Variants in FAM13A observed in about 807,000 individuals in gnomAD.
The protein encoded by FAM13A is family with sequence similarity 13 member A, also known as protein FAM13A.
In FAM13A, 76 loss-of-function variants were observed where a neutral mutation model predicts 129.6. The ratio of observed to expected loss-of-function variants is 0.59; its 90% CI spans 0.49 to 0.71. The LOEUF (loss-of-function observed/expected upper bound fraction) is 0.71, where lower values mean the gene tolerates loss of function less well. FAM13A is among the 30% of genes least tolerant of loss of function. The pLI, the probability that FAM13A is intolerant of heterozygous loss-of-function variation, is 0.00. For synonymous variants in FAM13A, 443 were observed against 449.9 expected, an observed-to-expected ratio of 0.98 and a Z score of 0.20; for missense variants, 1,108 against 1,249.3, an observed-to-expected ratio of 0.89 and a Z score of 1.70.
intron 21 of FAM13A, among the ~76,000 whole-genome samples, chr4:88,734,546 A>T (rs537471506): frequency 2.7e-4 from 41 of 152,258 alleles, no homozygotes; most frequent in Non-Finnish European, 4.6e-4. Context: ...CATCAGTGGC[A>T]ATGCACAAGT....
In FAM13A at chr4:89,048,081, T is replaced by C. The variant is rs560820409; in HGVS notation, c.27+8857A>G. On this transcript the variant is annotated intron_variant, in intron 1 of 23. Coordinates refer to ENST00000264344, the MANE Select transcript of FAM13A (RefSeq NM_014883.4). ...CACTTTGGAAAAAGTTGGCAGTTTC[T>C]TAAAATGTTAAATGCAAAATTACCA... Among the ~76,000 whole-genome samples, 7 of 152,276 alleles carry C rather than the reference T, an allele frequency of 4.6e-5. No individual in the cohort carries two copies. In the East Asian group the frequency reaches 1.4e-3, roughly 29 times the overall value.
At chr4:88,797,069 A>G (rs1354435455) in intron 8 of FAM13A, among the ~76,000 whole-genome samples, 1 of 152,032 alleles carries the variant, frequency 6.6e-6, no homozygotes, top group Non-Finnish European at 1.5e-5. Flanking sequence ...TTATAGTTTC[A>G]TTACTTTCTT....
intron 1 of FAM13A, among the ~76,000 whole-genome samples, chr4:89,042,991 T>C (rs1481432749): frequency 6.6e-6 from 1 of 152,168 alleles, no homozygotes; most frequent in Non-Finnish European, 1.5e-5. Context: ...ATGAAGACGA[T>C]GAAGTAACAG....
intron 4 of FAM13A, among the ~76,000 whole-genome samples, chr4:88,954,814 A>C (rs1757491065): frequency 6.6e-6 from 1 of 151,322 alleles, no homozygotes; most frequent in Admixed American, 6.6e-5. Flanking sequence ...TGAACCCAGG[A>C]GGCAGAGGTT....
chr4:88,744,986 T>C (rs1282526958), intron 19 of FAM13A, among the ~76,000 whole-genome samples: 1 of 152,190 alleles, frequency 6.6e-6, no homozygotes, highest in Admixed American at 6.5e-5. Context: ...ATAAGAGAGC[T>C]ATGAAATGCA....
intron 4 of FAM13A, among the ~76,000 whole-genome samples, chr4:88,953,932 G>T (rs977628372): frequency 7.2e-5 from 11 of 152,052 alleles, no homozygotes; most frequent in Non-Finnish European, 1.6e-4. Flanking sequence ...AAGCAATCAG[G>T]TGCTTAAATA....
chr4:88,823,110 G>T, intron 7 of FAM13A: 5 of 1,576,258 alleles, frequency 3.2e-6, no homozygotes, highest in East Asian at 2.3e-5. Flanking sequence ...TGGGTTGGGG[G>T]CATGAGGCTG....
chr4:89,011,724 CACTT>C (rs1231117649), intron 3 of FAM13A, among the ~76,000 whole-genome samples: 2 of 152,178 alleles, frequency 1.3e-5, no homozygotes, highest in East Asian at 3.8e-4. Context: ...GTCCTTAACT[CACTT>C]AAAAGATTTT....
intron 13 of FAM13A, among the ~76,000 whole-genome samples, chr4:88,759,827 A>AG (rs1744436677): frequency 6.6e-6 from 1 of 152,222 alleles, no homozygotes; most frequent in Non-Finnish European, 1.5e-5. Flanking sequence ...TAATAATTTT[A>AG]TGTTTAAACA....
At chr4:88,894,546 CAG>C (rs1745958710) in intron 6 of FAM13A, among the ~76,000 whole-genome samples, 1 of 152,136 alleles carries the variant, frequency 6.6e-6, no homozygotes, top group African/African-American at 2.4e-5. Context: ...TTTTTTGATA[CAG>C]AGTCTCACTC....
chr4:88,903,038 G>A (rs541078898), intron 6 of FAM13A, among the ~76,000 whole-genome samples: 20 of 152,100 alleles, frequency 1.3e-4, no homozygotes, highest in Admixed American at 9.8e-4. Flanking sequence ...TAGAAATACA[G>A]CTAACAAGGG....
chr4:88,892,426 G>A (rs1214891550), intron 6 of FAM13A, among the ~76,000 whole-genome samples: 3 of 151,960 alleles, frequency 2.0e-5, no homozygotes, highest in African/African-American at 4.8e-5. Context: ...TGACCTGCCC[G>A]CCTCGGCCTC....
chr4:89,020,806 T>C, intron 2 of FAM13A, 137 bp from the exon 3 acceptor site: 1 of 648,676 alleles, frequency 1.5e-6, no homozygotes, highest in Non-Finnish European at 2.7e-6. Flanking sequence ...TGTGTAATTT[T>C]CACATTTTGT....
intron 11 of FAM13A, among the ~76,000 whole-genome samples, chr4:88,769,932 G>T (rs1306236014): frequency 2.6e-5 from 4 of 151,974 alleles, no homozygotes; most frequent in Non-Finnish European, 5.9e-5. Flanking sequence ...TGTTTCTGAA[G>T]CTATAATATC....
At chr4:88,993,375 CTG>C (rs1468708905) in intron 3 of FAM13A, among the ~76,000 whole-genome samples, 1 of 152,144 alleles carries the variant, frequency 6.6e-6, no homozygotes, top group Non-Finnish European at 1.5e-5. Flanking sequence ...TGTTTGCTCT[CTG>C]TTTAAAATTG....
chr4:88,896,326 C>T (rs1302266199), intron 6 of FAM13A, among the ~76,000 whole-genome samples: 12 of 151,468 alleles, frequency 7.9e-5, no homozygotes, highest in African/African-American at 2.4e-4. Context: ...TGCTAGATGA[C>T]GAGTTAGTGG....
intron 4 of FAM13A, among the ~76,000 whole-genome samples, chr4:88,977,630 T>C (rs990248994): frequency 1.3e-5 from 2 of 152,222 alleles, no homozygotes; most frequent in Admixed American, 1.3e-4. Context: ...AATCCACATA[T>C]ATTACAATCA....
Position 88,728,115 on chromosome 4 carries a change from G to A in FAM13A, c.*418C>T. The A allele has an allele frequency of 5.9e-6, 1 of 170,518 alleles. No individual in the cohort carries two copies. The highest frequency in any genetic ancestry group is 1.6e-4 in the South Asian group (1 of 6,272). 10.6% of individuals were successfully genotyped at this position (170,518 alleles called of 1,614,324 possible). On this transcript the variant is annotated 3_prime_UTR_variant, in exon 24 of 24. Transcript: ENST00000264344. ...CAGCAAGTTTGCTCTATAGAATAAA[G>A]TCCTGAGCTTGTTTTTATCACAGTT...
chr4:88,864,601 G>A (rs1740068242), intron 6 of FAM13A, among the ~76,000 whole-genome samples: 1 of 152,078 alleles, frequency 6.6e-6, no homozygotes, highest in African/African-American at 2.4e-5. Flanking sequence ...TAGAGACGGG[G>A]TTTCACCATG....
Sources: gnomAD v4.1 joint callset for allele counts (sites outside exome capture counted in the v4.1 genomes callset) on GRCh38, gnomAD v4.1.1 for gene constraint, MANE v1.5 for transcripts, NCBI Gene and HGNC (gene_info 2026-07-23, HGNC 2026-07-21) for gene names.